Variants in RAD51B observed in about 807,000 individuals in gnomAD.
The protein encoded by RAD51B is RAD51 paralog B.
In RAD51B, 38 loss-of-function variants were observed where a neutral mutation model predicts 42.2. The ratio of observed to expected loss-of-function variants is 0.90; its 90% CI spans 0.70 to 1.18. The LOEUF (loss-of-function observed/expected upper bound fraction) is 1.18. RAD51B is among the 50% of genes most tolerant of loss of function. The pLI is 0.00. For synonymous variants in RAD51B, 154 were observed against 145.2 expected, an observed-to-expected ratio of 1.06 and a Z score of -0.43; for missense variants, 373 against 400.7, an observed-to-expected ratio of 0.93 and a Z score of 0.59.
At chr14:68,588,339 C>T (rs2140072441) in intron 10 of RAD51B, among the ~76,000 whole-genome samples, 1 of 152,316 alleles carries the variant, frequency 6.6e-6, no homozygotes, top group Non-Finnish European at 1.5e-5. Context: ...CATCAAAATC[C>T]TTTATTTCCC....
intron 8 of RAD51B, among the ~76,000 whole-genome samples, chr14:68,345,086 T>C (rs1392675582): frequency 6.6e-6 from 1 of 152,242 alleles, no homozygotes; most frequent in East Asian, 1.9e-4. Flanking sequence ...ATTACCATTG[T>C]ATCTCGGAAA....
chr14:68,133,241 A>G (rs1230379185), intron 7 of RAD51B, among the ~76,000 whole-genome samples: 1 of 152,174 alleles, frequency 6.6e-6, no homozygotes, highest in Non-Finnish European at 1.5e-5. Context: ...GCAGGCACAT[A>G]TTGGTTTATA....
chr14:68,540,240 G>A, intron 10 of RAD51B: 1 of 1,004,162 alleles, frequency 1.0e-6, no homozygotes, highest in Non-Finnish European at 1.2e-6. Context: ...GCAAACATAG[G>A]ATCGTCTGAG....
intron 8 of RAD51B, among the ~76,000 whole-genome samples, chr14:68,354,216 G>GTTT (rs3075406): frequency 0.077 from 8,476 of 110,420 alleles, 414 homozygotes; most frequent in Non-Finnish European, 0.1. Flanking sequence ...TGGTTTTTTG[G>GTTT]TTTTTTTTTT....
intron 10 of RAD51B, among the ~76,000 whole-genome samples, chr14:68,639,421 A>G (rs1664452300): frequency 3.7e-5 from 1 of 27,238 alleles, no homozygotes; most frequent in South Asian, 1.0e-3. Context: ...CACCGGCCAG[A>G]ACTCAAGTCA....
chr14:68,386,382 A>T (rs1170757994), intron 8 of RAD51B, among the ~76,000 whole-genome samples: 1 of 152,234 alleles, frequency 6.6e-6, no homozygotes, highest in African/African-American at 2.4e-5. Context: ...CAGAATATAA[A>T]GGCGTTTACA....
intron 10 of RAD51B, among the ~76,000 whole-genome samples, chr14:68,586,866 G>A (rs1890508361): frequency 6.6e-6 from 1 of 152,148 alleles, no homozygotes; most frequent in Non-Finnish European, 1.5e-5. Flanking sequence ...TTAGCTGGGT[G>A]TGGTGGCGTG....
intron 7 of RAD51B, among the ~76,000 whole-genome samples, chr14:67,993,760 A>T (rs952484168): frequency 1.3e-5 from 2 of 151,880 alleles, no homozygotes; most frequent in African/African-American, 4.8e-5. Context: ...TGGTTTTAGG[A>T]CCCTCCAAAC....
At position 68,349,382 on chromosome 14, in the gene RAD51B, T is replaced by G. The variant is rs2082737191; in HGVS notation, c.853+57402T>G. ...TTTTTATTTTTTATTTTTTCATTTT[T>G]TTTGGATGGAGTCTTACTCTGTCAC... On this transcript the variant is annotated intron_variant, in intron 8 of 10. Transcript: ENST00000471583. Among the ~76,000 whole-genome samples, 2 of 152,084 alleles carry G rather than the reference T, an allele frequency of 1.3e-5. 1 individual carries two copies. Among genetic ancestry groups the G allele is most frequent in the South Asian group, 4.1e-4 (2 of 4,826 alleles).
intron 7 of RAD51B, among the ~76,000 whole-genome samples, chr14:68,213,511 T>C (rs2079753497): frequency 6.6e-6 from 1 of 152,224 alleles, no homozygotes; most frequent in Non-Finnish European, 1.5e-5. Context: ...CAAAATAGTA[T>C]GTTAAGTCTT....
chr14:68,621,604 TCTC>T (rs1361439389), intron 10 of RAD51B, among the ~76,000 whole-genome samples: 4 of 152,314 alleles, frequency 2.6e-5, no homozygotes, highest in Non-Finnish European at 4.4e-5. Flanking sequence ...AAGCTGGACT[TCTC>T]CTTACTGGCC....
chr14:68,471,294 G>A lies in RAD51B; in HGVS notation c.1036+3044G>A, dbSNP rs753899494. Among the ~76,000 whole-genome samples the A allele has an allele frequency of 7.9e-5, 12 of 152,280 alleles. No homozygotes were observed. In the East Asian group the frequency reaches 1.5e-3, roughly 20 times the overall value. ...AACAAGCCAACCACACCAGCTACCC[G>A]TGGGGGTAGGGAATGATCCCTCAGT... On this transcript the variant is annotated intron_variant, in intron 10 of 10. Transcript: ENST00000471583.
At chr14:68,569,166 C>G (rs1379563916) in intron 10 of RAD51B, among the ~76,000 whole-genome samples, 4 of 152,204 alleles carry the variant, frequency 2.6e-5, no homozygotes, top group Non-Finnish European at 5.9e-5. Flanking sequence ...TTTGTTTCAC[C>G]CGGGAAAGTC....
At chr14:68,497,231 G>A (rs527947898) in intron 10 of RAD51B, 143 of 1,369,844 alleles carry the variant, frequency 1.0e-4, no homozygotes, top group Non-Finnish European at 1.3e-4. Flanking sequence ...GTCTTGTGGT[G>A]AAACACCCAT....
chr14:68,556,579 GA>G (rs1489467945), intron 10 of RAD51B, among the ~76,000 whole-genome samples: 1 of 152,166 alleles, frequency 6.6e-6, no homozygotes, highest in Non-Finnish European at 1.5e-5. Context: ...AGTCTTTTAA[GA>G]GCGTGAAACC....
At chr14:68,499,493 G>T (rs1391250561) in intron 10 of RAD51B, among the ~76,000 whole-genome samples, 2 of 152,186 alleles carry the variant, frequency 1.3e-5, no homozygotes, top group African/African-American at 4.8e-5. Flanking sequence ...TGCAGGGTTA[G>T]TGGATGCAGT....
chr14:68,215,642 T>C (rs2079799614), intron 7 of RAD51B, among the ~76,000 whole-genome samples: 2 of 152,312 alleles, frequency 1.3e-5, no homozygotes, highest in South Asian at 4.1e-4. Flanking sequence ...AAATCCATAC[T>C]CTTAAGCACT....
chr14:68,338,179 C>T (rs1302748345), intron 8 of RAD51B, among the ~76,000 whole-genome samples: 1 of 152,198 alleles, frequency 6.6e-6, no homozygotes, highest in Non-Finnish European at 1.5e-5. Context: ...GAGACTCTCA[C>T]ATAACCCAAC....
chr14:68,290,048 A>G (rs1288194073), intron 7 of RAD51B, among the ~76,000 whole-genome samples: 1 of 152,184 alleles, frequency 6.6e-6, no homozygotes, highest in South Asian at 2.1e-4. Context: ...TCAGCCCTCA[A>G]TTAAGCTGCC....
Sources: gnomAD v4.1 joint callset for allele counts (sites outside exome capture counted in the v4.1 genomes callset) on GRCh38, gnomAD v4.1.1 for gene constraint, MANE v1.5 for transcripts, NCBI Gene and HGNC (gene_info 2026-07-23, HGNC 2026-07-21) for gene names.